The following SYNE3 variants were observed in gnomAD, a reference collection of about 807,000 sequenced individuals.
SYNE3 encodes spectrin repeat containing nuclear envelope family member 3.
SYNE3 carries 100 observed loss-of-function variants against 111.2 expected under a neutral mutation model. That is an observed-to-expected ratio of 0.90 (90% confidence interval 0.77 to 1.06). The LOEUF (loss-of-function observed/expected upper bound fraction) is 1.06, where lower values mean the gene tolerates loss of function less well. Among genes scored for constraint, SYNE3 ranks in the 50% least tolerant of loss-of-function variants. The probability of loss-of-function intolerance (pLI) is 0.00; values close to 1 mark genes in which losing one functional copy is unlikely to be tolerated. For missense variants in SYNE3, 1,160 were observed against 1,240.3 expected, an observed-to-expected ratio of 0.94 and a Z score of 0.97; for synonymous variants, 547 against 533.9, an observed-to-expected ratio of 1.02 and a Z score of -0.34.
chr14:95,425,563 A>G (rs1885384783), intron 17 of SYNE3, among the ~76,000 whole-genome samples: 1 of 152,220 alleles, frequency 6.6e-6, no homozygotes, highest in Admixed American at 6.5e-5. Context: ...AGGTTGTACA[A>G]TACCAAGAGT....
chr14:95,514,465 C>G (rs1477650193), intron 1 of SYNE3, among the ~76,000 whole-genome samples: 1 of 152,204 alleles, frequency 6.6e-6, no homozygotes, highest in East Asian at 1.9e-4. Context: ...AGAGGCAGAG[C>G]AGAGGGGAAC....
At chr14:95,491,773 T>TAAA (rs34866057) in intron 1 of SYNE3, among the ~76,000 whole-genome samples, 3 of 136,838 alleles carry the variant, frequency 2.2e-5, no homozygotes, top group Non-Finnish European at 4.8e-5. Flanking sequence ...GCAAAAATGT[T>TAAA]AAAAAAAAAA....
In SYNE3 at chr14:95,408,933, C is replaced by A. The variant is rs1247767673; in HGVS notation, c.*8893G>T. 2 of 354,854 alleles carry A rather than the reference C, an allele frequency of 5.6e-6. No homozygotes were observed. Among genetic ancestry groups the A allele is most frequent in the Non-Finnish European group, 1.1e-5 (2 of 179,066 alleles). The allele number at this position is 354,854 out of a possible 1,614,324, so 22.0% of individuals were successfully genotyped here. On this transcript the variant is annotated 3_prime_UTR_variant, in exon 18 of 18. Transcript: ENST00000682763. ...GGGAAGGTAGACAGACAGTGGGTACCTGCTCCCGTCCCCTGGGACCTCATC... is the reference window on the plus strand; with the variant it reads ...GGGAAGGTAGACAGACAGTGGGTACATGCTCCCGTCCCCTGGGACCTCATC...
chr14:95,485,676 C>T lies in SYNE3; in HGVS notation c.-14-9841G>A, dbSNP rs984433059. The stretch of plus-strand genomic sequence containing the variant: ...CTTACACCACTCCCTCTAGGATACC[C>T]AGCATCCCCACAGGCTCAGCTCAGA... On this transcript the variant is annotated intron_variant, in intron 1 of 17. Transcript: ENST00000682763. This position sits in a 1 kb window ranked among gnomAD's most constrained non-coding sequence, Gnocchi z 4.3. Among the ~76,000 whole-genome samples, 10 of 152,130 alleles carry T rather than the reference C, an allele frequency of 6.6e-5. No homozygotes were observed. The highest frequency in any genetic ancestry group is 1.2e-4 in the Non-Finnish European group (8 of 68,004).
At chr14:95,511,429 G>A (rs1438277543) in intron 1 of SYNE3, among the ~76,000 whole-genome samples, 6 of 152,108 alleles carry the variant, frequency 3.9e-5, no homozygotes, top group Non-Finnish European at 5.9e-5. Context: ...GGCCAGGCGC[G>A]GTGACTCACG....
At chr14:95,493,838 T>G (rs1195127388) in intron 1 of SYNE3, among the ~76,000 whole-genome samples, 1 of 152,232 alleles carries the variant, frequency 6.6e-6, no homozygotes, top group East Asian at 1.9e-4. Context: ...AGGAATAAAC[T>G]CCCCCTGTGA....
intron 1 of SYNE3, among the ~76,000 whole-genome samples, chr14:95,510,569 G>A (rs550826980): frequency 3.9e-5 from 6 of 152,166 alleles, no homozygotes; most frequent in Non-Finnish European, 2.9e-5. Flanking sequence ...CCGGTGGATC[G>A]CCTGAGGTTG....
intron 1 of SYNE3, among the ~76,000 whole-genome samples, chr14:95,484,142 T>G (rs1889412549): frequency 6.6e-6 from 1 of 152,176 alleles, no homozygotes. Context: ...AGTGCTGGCC[T>G]TGGCAACACA....
At chr14:95,494,190 C>T (rs541541671) in intron 1 of SYNE3, among the ~76,000 whole-genome samples, 4 of 152,184 alleles carry the variant, frequency 2.6e-5, no homozygotes, top group African/African-American at 7.2e-5. Flanking sequence ...ATGTGCCTGG[C>T]GCGGTGCCAC....
intron 1 of SYNE3, among the ~76,000 whole-genome samples, chr14:95,497,120 C>T (rs149322708): frequency 6.2e-4 from 95 of 152,350 alleles, no homozygotes; most frequent in African/African-American, 2.2e-3. Flanking sequence ...TGGCAGGGCT[C>T]ACTCCTGGTG....
intron 1 of SYNE3, among the ~76,000 whole-genome samples, chr14:95,506,606 C>T (rs1279703421): frequency 6.6e-6 from 1 of 152,220 alleles, no homozygotes; most frequent in African/African-American, 2.4e-5. Context: ...GCTGAGCTCC[C>T]TTCCAAGTGA....
chr14:95,434,006 T>G (rs984842768), intron 15 of SYNE3, among the ~76,000 whole-genome samples: 8 of 152,136 alleles, frequency 5.3e-5, no homozygotes, highest in Non-Finnish European at 1.0e-4. Context: ...GAATGTATGC[T>G]GTACAAAAAG....
rs1566959994 is a variant in SYNE3, at chr14:95,434,304, C to G, written c.2539-895G>C. ...AGGGCAGTCAGTGCTGTGTTCAGAT[C>G]TGCTTTTGCCCACAGAACATTTGCC... On this transcript the variant is annotated intron_variant, in intron 15 of 17. Transcript: ENST00000682763. 2.0e-5 allele frequency among the ~76,000 whole-genome samples: 3 copies of G among 152,218 alleles called. No individual in the cohort carries two copies. The East Asian group carries it at 5.8e-4, about 29-fold the overall frequency.
intron 4 of SYNE3, among the ~76,000 whole-genome samples, chr14:95,461,567 G>C (rs1400947334): frequency 1.3e-5 from 2 of 152,196 alleles, no homozygotes; most frequent in African/African-American, 4.8e-5. Flanking sequence ...ATCAACCCTA[G>C]AGGCTGTGCT....
intron 1 of SYNE3, among the ~76,000 whole-genome samples, chr14:95,508,550 A>T (rs2139612600): frequency 6.6e-6 from 1 of 152,370 alleles, no homozygotes; most frequent in Middle Eastern, 3.4e-3. Context: ...GCAGGATGGG[A>T]TAAGTGCCAC....
intron 2 of SYNE3, among the ~76,000 whole-genome samples, chr14:95,474,790 C>T (rs959855652): frequency 3.3e-5 from 5 of 152,230 alleles, no homozygotes; most frequent in African/African-American, 1.2e-4. Context: ...AAGGAACCAG[C>T]TGTGGGGTCA....
chr14:95,512,178 A>G (rs1890745089), intron 1 of SYNE3, among the ~76,000 whole-genome samples: 1 of 152,250 alleles, frequency 6.6e-6, no homozygotes, highest in Non-Finnish European at 1.5e-5. Flanking sequence ...TTTATGACAC[A>G]TAAAATCATG....
At chr14:95,449,869 GAA>G (rs998661694) in intron 8 of SYNE3, 60 bp downstream of exon 8, 1 of 1,522,498 alleles carries the variant, frequency 6.6e-7, no homozygotes, top group African/African-American at 1.4e-5. Context: ...GAGAGAGACT[GAA>G]ACACCATGCC....
rs548135093 is a variant in SYNE3, at chr14:95,413,552, C to T, written c.*4274G>A. ...GATGATGCCACCGGTCCCAGTTTGCCAGCTGTAAAATCCATTAGGGAACAT... is the reference window on the plus strand; with the variant it reads ...GATGATGCCACCGGTCCCAGTTTGCTAGCTGTAAAATCCATTAGGGAACAT... On this transcript the variant is annotated 3_prime_UTR_variant, in exon 18 of 18. Coordinates refer to ENST00000682763, the MANE Select transcript of SYNE3 (RefSeq NM_152592.6). 3.3e-5 allele frequency: 5 copies of T among 152,498 alleles called. No homozygotes were observed. Among genetic ancestry groups the T allele is most frequent in the East Asian group, 1.9e-4 (1 of 5,168 alleles). The allele number at this position is 152,498 out of a possible 1,614,324, so 9.4% of individuals were successfully genotyped here.
Sources: allele counts gnomAD v4.1 joint callset (sites outside exome capture counted in the v4.1 genomes callset), GRCh38; gene constraint gnomAD v4.1.1; non-coding constraint Gnocchi (gnomAD v3.1); transcripts MANE v1.5; gene names NCBI Gene and HGNC (gene_info 2026-07-23, HGNC 2026-07-21).